The following BCAS3 variants were observed in gnomAD, a reference collection of about 807,000 sequenced individuals.
BCAS3 encodes the protein BCAS4/BCAS3 fusion.
Under a neutral mutation model 116.1 loss-of-function variants are expected in BCAS3, and 53 were observed. That is an observed-to-expected ratio of 0.46 (90% CI 0.37 to 0.57). BCAS3 has a LOEUF of 0.57. BCAS3 is among the 20% of genes least tolerant of loss of function. The probability of loss-of-function intolerance (pLI) is 0.00; values close to 1 mark genes in which losing one functional copy is unlikely to be tolerated. For missense variants in BCAS3, 917 were observed against 1,165.4 expected, an observed-to-expected ratio of 0.79 and a Z score of 3.10; for synonymous variants, 391 against 408.2, an observed-to-expected ratio of 0.96 and a Z score of 0.51.
intron 22 of BCAS3, among the ~76,000 whole-genome samples, chr17:61,103,424 A>T (rs1257270587): frequency 6.6e-6 from 1 of 152,172 alleles, no homozygotes; most frequent in African/African-American, 2.4e-5. Flanking sequence ...CCTGAAATTA[A>T]CCAGTTCATG....
At position 61,233,249 on chromosome 17, in the gene BCAS3, G is replaced by A. The variant is rs1297022003; in HGVS notation, c.2426-135078G>A. Among the ~76,000 whole-genome samples, 2 of 152,330 alleles carry A rather than the reference G, an allele frequency of 1.3e-5. No homozygotes were observed. The highest frequency in any genetic ancestry group is 3.4e-3 in the Middle Eastern group (1 of 294). On this transcript the variant is annotated intron_variant, in intron 22 of 23. Coordinates refer to ENST00000407086, the MANE Select transcript of BCAS3 (RefSeq NM_017679.5). This position sits in a 1 kb window ranked among gnomAD's most constrained non-coding sequence, Gnocchi z 4.3. ...GATTGGGAAGGTTCTGAATGCCCAA[G>A]TTTCATTTAGGAAGCTTCACACCTT...
intron 14 of BCAS3, among the ~76,000 whole-genome samples, chr17:60,968,927 G>A (rs2061803099): frequency 6.6e-6 from 1 of 151,970 alleles, no homozygotes; most frequent in Non-Finnish European, 1.5e-5. Context: ...TCCTGCCAGA[G>A]CACCCAAGAT....
chr17:61,304,159 C>T lies in BCAS3; in HGVS notation c.2426-64168C>T, dbSNP rs567884034. 2.6e-5 allele frequency among the ~76,000 whole-genome samples: 4 copies of T among 152,324 alleles called. No individual in the cohort carries two copies. In the East Asian group the frequency reaches 7.7e-4, roughly 29 times the overall value. ...CTCTTTATCCTTTTCATCCCTATTA[C>T]CACCCCCAAGTTCATTGCCTCACTG... On this transcript the variant is annotated intron_variant, in intron 22 of 23. Coordinates refer to ENST00000407086, the MANE Select transcript of BCAS3 (RefSeq NM_017679.5).
chr17:61,329,913 A>T (rs2056120977), intron 22 of BCAS3, among the ~76,000 whole-genome samples: 2 of 152,156 alleles, frequency 1.3e-5, no homozygotes, highest in African/African-American at 4.8e-5. Context: ...GTGGCTGTTT[A>T]ACGAGCATTT....
At chr17:61,045,615 A>T (rs1043750017) in intron 19 of BCAS3, among the ~76,000 whole-genome samples, 1 of 149,626 alleles carries the variant, frequency 6.7e-6, no homozygotes, top group Non-Finnish European at 1.5e-5. Flanking sequence ...CAGGAGTTTG[A>T]TATCAGCCTG....
At chr17:61,049,967 C>G (rs1206203286) in intron 19 of BCAS3, among the ~76,000 whole-genome samples, 1 of 151,902 alleles carries the variant, frequency 6.6e-6, no homozygotes, top group South Asian at 2.1e-4. Flanking sequence ...CTCCTGACCT[C>G]AGATGATCGT....
At chr17:60,877,938 T>G (rs896277073) in intron 9 of BCAS3, among the ~76,000 whole-genome samples, 5 of 152,192 alleles carry the variant, frequency 3.3e-5, no homozygotes, top group African/African-American at 1.2e-4. Context: ...AAGTACATTC[T>G]GTCATTTCTG....
At chr17:60,832,663 T>A (rs1384383924) in intron 7 of BCAS3, among the ~76,000 whole-genome samples, 1 of 152,198 alleles carries the variant, frequency 6.6e-6, no homozygotes, top group Non-Finnish European at 1.5e-5. Flanking sequence ...TTTTTTATAA[T>A]TGAGAAGAAA....
chr17:61,182,698 C>T (rs781574725), intron 22 of BCAS3, among the ~76,000 whole-genome samples: 1 of 152,198 alleles, frequency 6.6e-6, no homozygotes, highest in African/African-American at 2.4e-5. Flanking sequence ...AGTCATTGAT[C>T]TAATTTCTGT....
At chr17:60,917,595 A>AT (rs541536306) in intron 12 of BCAS3, among the ~76,000 whole-genome samples, 13,561 of 145,922 alleles carry the variant, frequency 0.093, 1,895 homozygotes, top group African/African-American at 0.31. Flanking sequence ...CCTTTTGCCA[A>AT]TTTTTTTTTT....
chr17:60,948,832 A>G (rs1347260037), intron 14 of BCAS3, among the ~76,000 whole-genome samples: 1 of 152,170 alleles, frequency 6.6e-6, no homozygotes, highest in African/African-American at 2.4e-5. Flanking sequence ...ATTTAATAAG[A>G]CAATCAAGTA....
At chr17:61,079,309 T>A (rs1312192856) in intron 21 of BCAS3, among the ~76,000 whole-genome samples, 1 of 152,178 alleles carries the variant, frequency 6.6e-6, no homozygotes, top group Non-Finnish European at 1.5e-5. Context: ...TAAAAAATAG[T>A]GGGAAAAAAT....
chr17:60,701,477 C>T (rs1292767837), intron 4 of BCAS3, among the ~76,000 whole-genome samples: 2 of 152,022 alleles, frequency 1.3e-5, no homozygotes, highest in East Asian at 1.9e-4. Flanking sequence ...TGTGCGGGTC[C>T]ACTTTAGTTA....
At position 61,126,854 on chromosome 17, in the gene BCAS3, G is replaced by T. The variant is rs1443355902; in HGVS notation, c.2425+42290G>T. Among the ~76,000 whole-genome samples, 1 of 151,994 alleles carries T rather than the reference G, an allele frequency of 6.6e-6. No homozygotes were observed. The highest frequency in any genetic ancestry group is 1.5e-5 in the Non-Finnish European group (1 of 67,982). ...TCTTTGTGGGAAAAATATTACAACC[G>T]TATCATTACTACTTTGAATACAGGA... is the stretch of plus-strand genomic sequence containing the variant. On this transcript the variant is annotated intron_variant, in intron 22 of 23. Coordinates refer to ENST00000407086, the MANE Select transcript of BCAS3 (RefSeq NM_017679.5). This position sits in a 1 kb window ranked among gnomAD's most constrained non-coding sequence, Gnocchi z 4.6.
At chr17:61,099,377 A>G (rs1168953886) in intron 22 of BCAS3, among the ~76,000 whole-genome samples, 2 of 152,174 alleles carry the variant, frequency 1.3e-5, no homozygotes, top group Non-Finnish European at 2.9e-5. Flanking sequence ...AATGATAACC[A>G]TTGTTGATTT....
intron 19 of BCAS3, among the ~76,000 whole-genome samples, chr17:61,064,218 G>C (rs538988438): frequency 3.1e-4 from 47 of 152,190 alleles, no homozygotes; most frequent in African/African-American, 1.0e-3. Context: ...ATCACTTGAG[G>C]CCCAGGAATT....
At position 61,325,501 on chromosome 17, in the gene BCAS3, C is replaced by T. The variant is rs1381618990; in HGVS notation, c.2426-42826C>T. On this transcript the variant is annotated intron_variant, in intron 22 of 23. Coordinates refer to ENST00000407086, the MANE Select transcript of BCAS3 (RefSeq NM_017679.5). The surrounding 1 kb of genome is among the most constrained non-coding windows in gnomAD (Gnocchi z 6.4). ...GGCTCTCCCTGAGGGCTTTCCATACCAATTCATTCTTGGTCAGTGGCAGGC... is the reference window on the plus strand; with the variant it reads ...GGCTCTCCCTGAGGGCTTTCCATACTAATTCATTCTTGGTCAGTGGCAGGC... 2.0e-5 allele frequency among the ~76,000 whole-genome samples: 3 copies of T among 152,168 alleles called. 1 individual carries two copies. Among genetic ancestry groups the T allele is most frequent in the Non-Finnish European group, 4.4e-5 (3 of 68,026 alleles).
At chr17:61,143,291 T>C (rs990770740) in intron 22 of BCAS3, among the ~76,000 whole-genome samples, 6 of 152,182 alleles carry the variant, frequency 3.9e-5, no homozygotes, top group African/African-American at 1.4e-4. Context: ...TAACACCAGT[T>C]TGACCTTACT....
intron 22 of BCAS3, among the ~76,000 whole-genome samples, chr17:61,115,400 A>C (rs1047134643): frequency 3.3e-5 from 5 of 150,748 alleles, no homozygotes; most frequent in Non-Finnish European, 1.5e-5. Context: ...ACAAGAAAAA[A>C]ACAAACAACC....
Sources: gnomAD v4.1 joint callset for allele counts (sites outside exome capture counted in the v4.1 genomes callset) on GRCh38, gnomAD v4.1.1 for gene constraint, Gnocchi (gnomAD v3.1) non-coding constraint, MANE v1.5 for transcripts, NCBI Gene and HGNC (gene_info 2026-07-23, HGNC 2026-07-21) for gene names.